Variants in MYO3A observed in about 807,000 individuals in gnomAD.
MYO3A encodes myosin IIIA, also known as myosin-IIIa.
A neutral mutation model predicts 192.7 loss-of-function variants in MYO3A; 180 were observed. The observed-to-expected ratio is 0.93, with a 90% CI of 0.83 to 1.06. The LOEUF is 1.06. Ranked by LOEUF, MYO3A falls within the 50% of genes least tolerant of loss-of-function variation. The probability of loss-of-function intolerance (pLI) is 0.00; values close to 1 mark genes in which losing one functional copy is unlikely to be tolerated. For missense variants in MYO3A, 1,896 were observed against 1,905.0 expected (o/e 1.00, Z 0.09); for synonymous variants, 628 against 645.3 (o/e 0.97, Z 0.41).
intron 10 of MYO3A, among the ~76,000 whole-genome samples, chr10:26,051,827 T>C (rs1378197182): frequency 6.6e-6 from 1 of 152,074 alleles, no homozygotes; most frequent in Non-Finnish European, 1.5e-5. Context: ...GTGTTGACTG[T>C]AGCTGTTTTC....
chr10:26,168,954 T>G, intron 28 of MYO3A, 80 bp downstream of exon 28: 1 of 1,385,054 alleles, frequency 7.2e-7, no homozygotes, highest in Non-Finnish European at 1.0e-6. Context: ...CCAATTCTTG[T>G]GTAGCTTTTG....
chr10:26,005,180 C>T (rs1841103432), intron 6 of MYO3A, among the ~76,000 whole-genome samples: 1 of 152,152 alleles, frequency 6.6e-6, no homozygotes, highest in Non-Finnish European at 1.5e-5. Context: ...GCAAACCACA[C>T]AGCACCTGAG....
intron 4 of MYO3A, among the ~76,000 whole-genome samples, chr10:25,995,149 A>C (rs995512573): frequency 6.6e-6 from 1 of 152,204 alleles, no homozygotes; most frequent in Non-Finnish European, 1.5e-5. Flanking sequence ...AGGTACACCA[A>C]TCAGACGTAG....
At chr10:26,088,824 C>A (rs570198005) in intron 15 of MYO3A, among the ~76,000 whole-genome samples, 72 of 152,154 alleles carry the variant, frequency 4.7e-4, no homozygotes, top group Admixed American at 1.0e-3. Context: ...ATACAAGGGA[C>A]CAAATAAAAG....
chr10:26,068,941 C>G, intron 12 of MYO3A, 57 bp downstream of exon 12: 1 of 1,146,978 alleles, frequency 8.7e-7, no homozygotes, highest in Non-Finnish European at 1.3e-6. Flanking sequence ...CATTCAGATA[C>G]TTAAATTAAT....
intron 3 of MYO3A, among the ~76,000 whole-genome samples, 186 bp from the exon 4 acceptor site, chr10:25,954,688 G>A (rs1047680125): frequency 6.6e-6 from 1 of 151,942 alleles, no homozygotes; most frequent in South Asian, 2.1e-4. Flanking sequence ...CACTTGATTA[G>A]CATGAAAATC....
intron 4 of MYO3A, among the ~76,000 whole-genome samples, chr10:25,977,350 GAAAT>G (rs1839021124): frequency 6.6e-6 from 1 of 152,112 alleles, no homozygotes; most frequent in Non-Finnish European, 1.5e-5. Context: ...TGGTAACAGA[GAAAT>G]AAATTCCTTG....
chr10:26,079,274 TG>T (rs1835777339), intron 14 of MYO3A, among the ~76,000 whole-genome samples: 1 of 152,102 alleles, frequency 6.6e-6, no homozygotes, highest in Non-Finnish European at 1.5e-5. Context: ...TGTCCCTCTT[TG>T]TCTCTTTTAA....
intron 14 of MYO3A, among the ~76,000 whole-genome samples, chr10:26,076,209 A>G (rs984715987): frequency 2.6e-5 from 4 of 152,128 alleles, no homozygotes; most frequent in African/African-American, 9.7e-5. Flanking sequence ...GTAAGGTGGT[A>G]TCACATTGTG....
intron 20 of MYO3A, among the ~76,000 whole-genome samples, chr10:26,137,508 T>G (rs531888338): frequency 6.6e-6 from 1 of 152,228 alleles, no homozygotes; most frequent in Non-Finnish European, 1.5e-5. Flanking sequence ...ACAAATTGAT[T>G]GTAAAACGTG....
At chr10:26,076,140 C>T (rs1476940557) in intron 14 of MYO3A, among the ~76,000 whole-genome samples, 1 of 151,990 alleles carries the variant, frequency 6.6e-6, no homozygotes, top group Non-Finnish European at 1.5e-5. Context: ...CTCTGTTCAC[C>T]ACATCCACAC....
chr10:26,088,367 A>G lies in MYO3A; in HGVS notation c.1524A>G (p.Glu508=). ...SGAVVGAQIS[E]YLLEKSRVIH... is the part of the protein sequence containing the mutation. Reference sequence around the variant, plus strand: ...CGGTAGTGGGAGCACAGATTTCTGAATATCTCCTGGAAAAATCCCGAGTTA... The same window carrying G: ...CGGTAGTGGGAGCACAGATTTCTGAGTATCTCCTGGAAAAATCCCGAGTTA... The change falls in exon 15 of 35, where the codon GAA becomes GAG. Residue 508 remains glutamate, a synonymous_variant. Transcript: ENST00000642920. The G allele has an allele frequency of 6.2e-7, 1 of 1,613,982 alleles. No individual in the cohort carries two copies. Among genetic ancestry groups the G allele is most frequent in the Non-Finnish European group, 8.5e-7 (1 of 1,179,938 alleles).
At chr10:26,201,811 A>G (rs1333257204) in intron 33 of MYO3A, among the ~76,000 whole-genome samples, 1 of 152,246 alleles carries the variant, frequency 6.6e-6, no homozygotes, top group Non-Finnish European at 1.5e-5. Context: ...CCTACTGGAA[A>G]TCTATTGAGC....
chr10:25,959,480 C>T (rs1170796576), intron 4 of MYO3A, among the ~76,000 whole-genome samples: 5 of 152,074 alleles, frequency 3.3e-5, no homozygotes, highest in African/African-American at 4.8e-5. Context: ...AATGGCTGAG[C>T]TTCTACACTG....
intron 15 of MYO3A, among the ~76,000 whole-genome samples, chr10:26,094,342 G>T (rs1422261710): frequency 6.6e-6 from 1 of 151,040 alleles, no homozygotes; most frequent in East Asian, 1.9e-4. Flanking sequence ...ATTATTGGAA[G>T]AGTAAATACA....
intron 4 of MYO3A, among the ~76,000 whole-genome samples, chr10:25,987,809 TA>T (rs931744766): frequency 6.6e-6 from 1 of 152,134 alleles, no homozygotes; most frequent in African/African-American, 2.4e-5. Context: ...CTTAAAGAAC[TA>T]AAAGTAAATC....
chr10:26,010,684 G>A (rs923011525), intron 6 of MYO3A, among the ~76,000 whole-genome samples: 10 of 151,946 alleles, frequency 6.6e-5, no homozygotes, highest in African/African-American at 1.9e-4. Flanking sequence ...GGCTGGTCTC[G>A]AACTCCTGAC....
chr10:26,212,019 G>A lies in MYO3A; in HGVS notation c.*56G>A. On this transcript the variant is annotated 3_prime_UTR_variant, in exon 35 of 35. Coordinates refer to ENST00000642920, the MANE Select transcript of MYO3A (RefSeq NM_017433.5). Reference sequence around the variant, plus strand: ...AGGCGCTGGAGCCTGCGGGGCAGCAGGGGCCAAGCAGGCACTCTGGGGCTG... The same window carrying A: ...AGGCGCTGGAGCCTGCGGGGCAGCAAGGGCCAAGCAGGCACTCTGGGGCTG... 1 of 1,590,250 alleles carries A rather than the reference G, an allele frequency of 6.3e-7. No homozygotes were observed. Among genetic ancestry groups the A allele is most frequent in the East Asian group, 2.3e-5 (1 of 44,228 alleles).
chr10:26,002,719 A>ATGAGTC (rs1554800228), intron 6 of MYO3A, among the ~76,000 whole-genome samples: 2 of 152,204 alleles, frequency 1.3e-5, no homozygotes, highest in African/African-American at 4.8e-5. Context: ...GGTAATTGAA[A>ATGAGTC]AAGGTTGCTT....
Sources: gnomAD v4.1 joint callset for allele counts (sites outside exome capture counted in the v4.1 genomes callset) on GRCh38, gnomAD v4.1.1 for gene constraint, MANE v1.5 for transcripts, NCBI Gene and HGNC (gene_info 2026-07-23, HGNC 2026-07-21) for gene names.